NTM: variants seen among roughly 807,000 people sequenced by gnomAD.
NTM encodes the protein IgLON family member 2.
Under a neutral mutation model 42.1 loss-of-function variants are expected in NTM, and 13 were observed. The observed-to-expected ratio is 0.31, with a 90% confidence interval of 0.20 to 0.49. NTM has a LOEUF of 0.49. NTM is among the 20% of genes least tolerant of loss of function. The pLI is 0.99. For missense variants in NTM, 373 were observed against 452.8 expected, an observed-to-expected ratio of 0.82 and a Z score of 1.60; for synonymous variants, 187 against 179.2, an observed-to-expected ratio of 1.04 and a Z score of -0.35.
At chr11:131,868,922 C>T (rs1295073305) in intron 1 of NTM, among the ~76,000 whole-genome samples, 1 of 152,150 alleles carries the variant, frequency 6.6e-6, no homozygotes, top group African/African-American at 2.4e-5. Context: ...ACTTTGTTTT[C>T]CCACTACTGT....
In NTM at chr11:131,789,538, A is replaced by C. The variant is rs1187118123; in HGVS notation, c.83-122026A>C. Among the ~76,000 whole-genome samples the C allele has an allele frequency of 6.9e-5, 2 of 29,072 alleles. 1 individual carries two copies. The highest frequency in any genetic ancestry group is 3.9e-4 in the African/African-American group (2 of 5,122). The allele number at this position is 29,072 out of a possible 152,430, so 19.1% of individuals were successfully genotyped here. A position where few individuals can be genotyped will look rare whatever the true frequency, so the allele number is the denominator to read the frequency against. The stretch of plus-strand genomic sequence containing the variant: ...AAGAAGAAGAAGAAGAAGAAGAAGA[A>C]GAAGAAGAAAAGAAGAAGAAGAAGA... On this transcript the variant is annotated intron_variant, in intron 1 of 8. Coordinates refer to ENST00000683400, the MANE Select transcript of NTM (RefSeq NM_001352005.2).
At chr11:132,172,205 T>A (rs2076209829) in intron 3 of NTM, among the ~76,000 whole-genome samples, 1 of 152,232 alleles carries the variant, frequency 6.6e-6, no homozygotes. Flanking sequence ...CATGATGCGA[T>A]TTATGTCTAT....
chr11:132,272,371 T>C (rs1646541956), intron 4 of NTM, among the ~76,000 whole-genome samples: 1 of 152,138 alleles, frequency 6.6e-6, no homozygotes, highest in Non-Finnish European at 1.5e-5. Flanking sequence ...GACCCTTGAA[T>C]TGCCATACAA....
chr11:131,657,952 G>C (rs2658818), intron 1 of NTM, among the ~76,000 whole-genome samples: 119,964 of 152,108 alleles, frequency 0.79, 47,971 homozygotes, highest in East Asian at 0.89. Flanking sequence ...TGAGATGTGA[G>C]TGACACATTC....
At chr11:132,314,112 TC>T (rs1160481406) in intron 6 of NTM, among the ~76,000 whole-genome samples, 7 of 149,686 alleles carry the variant, frequency 4.7e-5, no homozygotes, top group African/African-American at 1.7e-4. Flanking sequence ...TCTTTCAAAT[TC>T]CTCAGGTGGC....
intron 2 of NTM, among the ~76,000 whole-genome samples, chr11:131,975,220 C>T (rs963870447): frequency 4.6e-5 from 7 of 151,738 alleles, no homozygotes; most frequent in African/African-American, 1.7e-4. Context: ...CTTGCTCTGT[C>T]ACCAGTCTGG....
At chr11:131,431,350 A>G (rs1358740026) in intron 1 of NTM, among the ~76,000 whole-genome samples, 20 of 152,178 alleles carry the variant, frequency 1.3e-4, no homozygotes, top group Admixed American at 1.3e-3. Context: ...CTCCCTCCTT[A>G]GACCCCTCAC....
chr11:131,868,890 C>T (rs889897836), intron 1 of NTM, among the ~76,000 whole-genome samples: 1 of 152,182 alleles, frequency 6.6e-6, no homozygotes, highest in Non-Finnish European at 1.5e-5. Context: ...CATCCCATCC[C>T]TCTGTCTTGA....
At chr11:131,911,459 C>A (rs759778419) in intron 1 of NTM, 105 bp from the exon 2 acceptor site, 4 of 1,614,000 alleles carry the variant, frequency 2.5e-6, no homozygotes, top group Non-Finnish European at 3.4e-6. Flanking sequence ...TGCCGGAGTT[C>A]GGGGAAGTTG....
At chr11:132,252,429 G>A (rs2092042441) in intron 4 of NTM, among the ~76,000 whole-genome samples, 1 of 152,130 alleles carries the variant, frequency 6.6e-6, no homozygotes, top group South Asian at 2.1e-4. Context: ...TTTCTTGAGA[G>A]CAGAGAGTCC....
chr11:131,759,823 C>A (rs1411389763), intron 1 of NTM, among the ~76,000 whole-genome samples: 1 of 151,864 alleles, frequency 6.6e-6, no homozygotes, highest in Non-Finnish European at 1.5e-5. Context: ...AAATCTTGAT[C>A]CCAAATGGAT....
At chr11:131,568,234 G>A (rs916398209) in intron 1 of NTM, among the ~76,000 whole-genome samples, 4 of 152,194 alleles carry the variant, frequency 2.6e-5, no homozygotes, top group African/African-American at 9.6e-5. Context: ...GCATCTCTAG[G>A]GCATTGACCA....
intron 2 of NTM, among the ~76,000 whole-genome samples, chr11:132,128,505 G>A (rs2066242120): frequency 6.6e-6 from 1 of 152,056 alleles, no homozygotes. Context: ...CTGTCCAGAT[G>A]TATATCTCCT....
chr11:131,664,182 G>A (rs1315789130), intron 1 of NTM, among the ~76,000 whole-genome samples: 3 of 152,202 alleles, frequency 2.0e-5, no homozygotes, highest in East Asian at 1.9e-4. Context: ...TTTGAGGCCT[G>A]CATCTGTTAC....
intron 1 of NTM, among the ~76,000 whole-genome samples, chr11:131,683,951 G>T (rs1180639086): frequency 6.6e-6 from 1 of 152,206 alleles, no homozygotes; most frequent in Non-Finnish European, 1.5e-5. Context: ...GTTCTGAAGG[G>T]CAGGCGGTGG....
At chr11:132,091,789 T>G (rs74673622) in intron 2 of NTM, among the ~76,000 whole-genome samples, 6,371 of 152,268 alleles carry the variant, frequency 0.042, 191 homozygotes, top group South Asian at 0.14. Context: ...GTCCCACGTG[T>G]TTTTATTACC....
At chr11:132,183,544 G>C (rs1361090996) in intron 3 of NTM, among the ~76,000 whole-genome samples, 2 of 151,914 alleles carry the variant, frequency 1.3e-5, no homozygotes, top group Non-Finnish European at 2.9e-5. Flanking sequence ...TTAAGACAAA[G>C]AGGCAAAGGA....
At chr11:131,513,279 C>T (rs745735288) in intron 1 of NTM, among the ~76,000 whole-genome samples, 4 of 152,166 alleles carry the variant, frequency 2.6e-5, no homozygotes, top group African/African-American at 9.7e-5. Context: ...GGAAGCCTCC[C>T]TTCACCCACA....
chr11:132,009,332 G>A (rs1313564427), intron 2 of NTM, among the ~76,000 whole-genome samples: 1 of 152,158 alleles, frequency 6.6e-6, no homozygotes, highest in Non-Finnish European at 1.5e-5. Context: ...TTTAAGCTGG[G>A]GGACAGTTTG....
Sources: allele counts gnomAD v4.1 joint callset (sites outside exome capture counted in the v4.1 genomes callset), GRCh38; gene constraint gnomAD v4.1.1; transcripts MANE v1.5; gene names NCBI Gene and HGNC (gene_info 2026-07-23, HGNC 2026-07-21).